SRSF5: variants seen among roughly 807,000 people sequenced by gnomAD.
SRSF5 encodes the protein serine and arginine rich splicing factor 5.
SRSF5 carries 5 observed loss-of-function variants against 34.0 expected under a neutral mutation model. The observed-to-expected ratio is 0.15, with a 90% CI of 0.08 to 0.31. The LOEUF is 0.31. Among genes scored for constraint, SRSF5 ranks in the 10% least tolerant of loss-of-function variants. SRSF5 has a pLI of 1.00. For missense variants in SRSF5, 223 were observed against 351.4 expected, an observed-to-expected ratio of 0.63 and a Z score of 2.92; for synonymous variants, 164 against 117.7, an observed-to-expected ratio of 1.39 and a Z score of -2.55.
chr14:69,771,484 G>T lies in SRSF5; in HGVS notation c.*23G>T, dbSNP rs1245866582. The T allele has an allele frequency of 6.3e-7, 1 of 1,585,150 alleles. No individual in the cohort carries two copies. The highest frequency in any genetic ancestry group is 1.4e-5 in the African/African-American group (1 of 73,180). On this transcript the variant is annotated 3_prime_UTR_variant, in exon 8 of 8. Coordinates refer to ENST00000557154, the MANE Select transcript of SRSF5 (RefSeq NM_001320214.2). Reference sequence around the variant, plus strand: ...TAAACTGTAAATAACTTGCCCTGGGGGCCTTTTTTTAAAAAACAAAAACCA... The same window carrying T: ...TAAACTGTAAATAACTTGCCCTGGGTGCCTTTTTTTAAAAAACAAAAACCA...
At chr14:69,770,070 G>T in intron 5 of SRSF5, 1 of 1,026,956 alleles carries the variant, frequency 9.7e-7, no homozygotes, top group Non-Finnish European at 1.2e-6. Flanking sequence ...AATGACATAT[G>T]GGGCACAAAA....
At chr14:69,770,788 G>A (rs1426478958) in intron 6 of SRSF5, 5 of 638,866 alleles carry the variant, frequency 7.8e-6, no homozygotes, top group African/African-American at 1.8e-5. Context: ...AGCATCCCAC[G>A]GTGCATAGGG....
chr14:69,767,834 C>T (rs781223865), intron 1 of SRSF5: 1 of 370,818 alleles, frequency 2.7e-6, no homozygotes, highest in African/African-American at 2.1e-5. Context: ...ACTTCTCGGC[C>T]TTTCCTAACT....
intron 1 of SRSF5, chr14:69,767,897 G>T: frequency 2.2e-6 from 1 of 463,188 alleles, no homozygotes; most frequent in Non-Finnish European, 4.0e-6. Flanking sequence ...CTGCGCAGTT[G>T]GAAAGGTGGC....
chr14:69,769,627 T>C (rs1359109653), intron 5 of SRSF5: 10 of 1,534,876 alleles, frequency 6.5e-6, no homozygotes, highest in Non-Finnish European at 8.7e-6. Context: ...CAGTGATCAG[T>C]TGGCCACCTC....
chr14:69,771,522 A>T lies in SRSF5; in HGVS notation c.*61A>T. 6.6e-7 allele frequency: 1 copy of T among 1,525,440 alleles called. No individual in the cohort carries two copies. The highest frequency in any genetic ancestry group is 8.8e-7 in the Non-Finnish European group (1 of 1,133,260). 94.5% of individuals were successfully genotyped at this position (1,525,440 alleles called of 1,614,324 possible). The stretch of plus-strand genomic sequence containing the variant: ...AAAACAAAAACCACAAAAATTCCCA[A>T]ACCATACTTGCTAAAAATTCTGGTA... On this transcript the variant is annotated 3_prime_UTR_variant, in exon 8 of 8. Transcript: ENST00000557154.
chr14:69,768,885 A>G lies in SRSF5; in HGVS notation c.285A>G (p.Arg95=). ...YSDRFSSRRP[R]NDRRNAPPVR... ...ACCGTTTTAGTAGTCGCAGACCTCG[A>G]AATGATAGACGGTATGTGAAGGGTG... is the stretch of plus-strand genomic sequence containing the variant. The change falls in exon 4 of 8, where the codon CGA becomes CGG. Residue 95 remains arginine (R), a synonymous_variant. Transcript: ENST00000557154. 6.2e-7 allele frequency: 1 copy of G among 1,614,162 alleles called. No individual in the cohort carries two copies. The highest frequency in any genetic ancestry group is 8.5e-7 in the Non-Finnish European group (1 of 1,179,962).
In SRSF5 at chr14:69,768,234, A is replaced by G; in HGVS notation, c.78A>G (p.Gly26=). ...REKDVERFFK[G]YGRIRDIDLK... is the part of the protein sequence containing the mutation. ...AGGACGTGGAAAGATTCTTCAAGGG[A>G]TATGGACGGATAAGAGATATTGATC... Residue 26 remains glycine, a synonymous_variant, in exon 2 of 8, where the codon GGA becomes GGG. Transcript: ENST00000557154. 5 of 1,614,178 alleles carry G rather than the reference A, an allele frequency of 3.1e-6. No homozygotes were observed. The highest frequency in any genetic ancestry group is 4.2e-6 in the Non-Finnish European group (5 of 1,180,030).
intron 1 of SRSF5, chr14:69,767,728 CGAGGCGTCGCGAGATTCTG>C (rs1882682745): frequency 2.8e-6 from 1 of 354,586 alleles, no homozygotes; most frequent in African/African-American, 2.2e-5. Context: ...CAGGCGCGGT[CGAGGCGTCGCGAGATTCTG>C]GCTTCCACCC....
At position 69,767,164 on chromosome 14, in the gene SRSF5, C is replaced by G. The variant is rs1178445337; in HGVS notation, c.-111C>G. ...TGCGTCAGTTGTGGAGTGGCGTAGA[C>G]GAGTTAAGTCCTGGTCTGCGTGGAG... On this transcript the variant is annotated 5_prime_UTR_variant, in exon 1 of 8. Transcript: ENST00000557154. 8.8e-6 allele frequency: 3 copies of G among 339,838 alleles called. No homozygotes were observed. The highest frequency in any genetic ancestry group is 2.2e-5 in the African/African-American group (1 of 46,178). 21.1% of individuals were successfully genotyped at this position (339,838 alleles called of 1,614,324 possible).
In SRSF5 at chr14:69,771,049, T is replaced by G; in HGVS notation, c.495T>G (p.Ser165=). The change falls in exon 7 of 8, where the codon TCT becomes TCG. Residue 165 remains serine (S), a synonymous_variant. Coordinates refer to ENST00000557154, the MANE Select transcript of SRSF5 (RefSeq NM_001320214.2). ...GDLKNAIEKL[S]GKEINGRKIK... ...TAAAGAATGCTATTGAAAAACTTTCTGGAAAGGAAATAAATGGGAGAAAAA... is the reference window on the plus strand; with the variant it reads ...TAAAGAATGCTATTGAAAAACTTTCGGGAAAGGAAATAAATGGGAGAAAAA... 6.2e-7 allele frequency: 1 copy of G among 1,614,006 alleles called. No homozygotes were observed. Among genetic ancestry groups the G allele is most frequent in the Non-Finnish European group, 8.5e-7 (1 of 1,179,986 alleles).
At chr14:69,769,523 G>T in intron 5 of SRSF5, 1 of 1,535,306 alleles carries the variant, frequency 6.5e-7, no homozygotes, top group Non-Finnish European at 8.7e-7. Flanking sequence ...TGTCTGTGTC[G>T]TTGGCCTTAT....
Position 69,771,608 on chromosome 14 carries a change from TTGTAGATGTGG to T in SRSF5, c.*148_*158del. ...GGGGGTTGGGTTGGGCTGGATATCT[TTGTAGATGTGG>T]ACCACCAAGGGGTTGTTGAAAACTA... is the stretch of plus-strand genomic sequence containing the variant. On this transcript the variant is annotated 3_prime_UTR_variant, in exon 8 of 8. Transcript: ENST00000557154. 1.1e-6 allele frequency: 1 copy of T among 912,020 alleles called. No homozygotes were observed. The highest frequency in any genetic ancestry group is 1.6e-6 in the Non-Finnish European group (1 of 616,810). The allele number at this position is 912,020 out of a possible 1,614,324, so 56.5% of individuals were successfully genotyped here. A position where few individuals can be genotyped will look rare whatever the true frequency, so the allele number is the denominator to read the frequency against.
chr14:69,769,897 G>A, intron 5 of SRSF5: 1 of 1,152,250 alleles, frequency 8.7e-7, no homozygotes, highest in Non-Finnish European at 1.1e-6. Context: ...TCCGCTAATA[G>A]GGAGGGCTGT....
rs1407033048 is a variant in SRSF5, at chr14:69,771,979, TATTG to T, written c.*521_*524del. The T allele has an allele frequency of 1.9e-5, 3 of 154,074 alleles. No homozygotes were observed. The highest frequency in any genetic ancestry group is 7.2e-5 in the African/African-American group (3 of 41,466). 9.5% of individuals were successfully genotyped at this position (154,074 alleles called of 1,614,324 possible). ...CAGACACATTAGAGCAGCTGTTTGT[TATTG>T]ATAATAAAATATTATAAAACTACTT... On this transcript the variant is annotated 3_prime_UTR_variant, in exon 8 of 8. Coordinates refer to ENST00000557154, the MANE Select transcript of SRSF5 (RefSeq NM_001320214.2).
intron 4 of SRSF5, 107 bp downstream of exon 4, chr14:69,769,003 C>G: frequency 2.3e-6 from 3 of 1,322,866 alleles, no homozygotes; most frequent in Non-Finnish European, 2.2e-6. Flanking sequence ...ATAATCTGTT[C>G]TTCTATTCCC....
chr14:69,767,414 C>CT (rs376815095), intron 1 of SRSF5, 159 bp downstream of exon 1: 2 of 455,944 alleles, frequency 4.4e-6, no homozygotes, highest in African/African-American at 4.0e-5. Context: ...TTTTGGCATA[C>CT]TGTTTGAGGG....
chr14:69,768,282 G>T lies in SRSF5; in HGVS notation c.126G>T (p.Val42=), dbSNP rs565149699. Residue 42 remains valine (V), a splice_region_variant and synonymous_variant, in exon 2 of 8, where the codon GTG becomes GTT. Coordinates refer to ENST00000557154, the MANE Select transcript of SRSF5 (RefSeq NM_001320214.2). ...ATCTGAAAAGAGGCTTTGGTTTTGTGGTAAGTATTTAGAACTGGGTGAATT... is the reference window on the plus strand; with the variant it reads ...ATCTGAAAAGAGGCTTTGGTTTTGTTGTAAGTATTTAGAACTGGGTGAATT... The part of the protein sequence containing the change: ...DIDLKRGFGF[V]EFEDPRDADD... 6.2e-7 allele frequency: 1 copy of T among 1,614,144 alleles called. No homozygotes were observed. Among genetic ancestry groups the T allele is most frequent in the South Asian group, 1.1e-5 (1 of 91,070 alleles).
intron 3 of SRSF5, 45 bp from the exon 4 acceptor site, chr14:69,768,753 A>C: frequency 1.9e-6 from 3 of 1,611,814 alleles, no homozygotes; most frequent in Non-Finnish European, 2.5e-6. Flanking sequence ...AAGTAGATTT[A>C]TGTAGCTTAA....
Sources: allele counts gnomAD v4.1 joint callset, GRCh38; gene constraint gnomAD v4.1.1; transcripts MANE v1.5; gene names NCBI Gene and HGNC (gene_info 2026-07-23, HGNC 2026-07-21).